Variants in THSD1 observed in about 807,000 individuals in gnomAD.
THSD1 encodes thrombospondin type-1 domain-containing protein 1.
THSD1 carries 34 observed loss-of-function variants against 46.3 expected under a neutral mutation model. The observed-to-expected ratio is 0.74, with a 90% CI of 0.56 to 0.98. The LOEUF (loss-of-function observed/expected upper bound fraction) is 0.98, where lower values mean the gene tolerates loss of function less well. Ranked by LOEUF, THSD1 falls within the 50% of genes least tolerant of loss-of-function variation. The pLI, the probability that THSD1 is intolerant of heterozygous loss-of-function variation, is 0.00. For missense variants in THSD1, 1,023 were observed against 1,058.3 expected (o/e 0.97, Z 0.46); for synonymous variants, 407 against 416.5 (o/e 0.98, Z 0.28).
intron 1 of THSD1, among the ~76,000 whole-genome samples, chr13:52,403,202 A>C (rs899598822): frequency 6.6e-6 from 1 of 152,144 alleles, no homozygotes; most frequent in African/African-American, 2.4e-5. Context: ...AATTCCTAGG[A>C]GCTACATCCA....
chr13:52,377,751 A>T lies in THSD1; in HGVS notation c.2219T>A (p.Leu740His), dbSNP rs145122037. ...TLGQPLRKPD[L>H]GDHQAGLVAG... Reference sequence around the variant, plus strand: ...CACTAATCCTGCCTGGTGATCCCCAAGGTCTGGTTTCCTCAAGGGCTGCCC... The same window carrying T: ...CACTAATCCTGCCTGGTGATCCCCATGGTCTGGTTTCCTCAAGGGCTGCCC... Residue 740 changes from leucine (L) to histidine (H), a missense_variant, in exon 5 of 5, where the codon CTT (leucine) becomes CAT (histidine). This residue lies in a region of THSD1 where 578 missense variants were observed against 497.4 expected (regional missense o/e 1.16). Coordinates refer to ENST00000258613, the MANE Select transcript of THSD1 (RefSeq NM_018676.4). 1 of 1,613,992 alleles carries T rather than the reference A, an allele frequency of 6.2e-7. No individual in the cohort carries two copies. Among genetic ancestry groups the T allele is most frequent in the African/African-American group, 1.3e-5 (1 of 74,918 alleles).
chr13:52,403,970 CAG>C (rs1453855319), intron 1 of THSD1, among the ~76,000 whole-genome samples: 2 of 90,610 alleles, frequency 2.2e-5, no homozygotes, highest in Non-Finnish European at 3.9e-5. Flanking sequence ...TTTTTTTAGA[CAG>C]AGTCTTGCTC....
Position 52,378,506 on chromosome 13 carries a change from A to T in THSD1, c.1464T>A (p.Ser488Arg). ...FSDGGDGPTG[S>R]PGDTGIPLTY... ...TCAGAGGGATGCCTGTGTCCCCTGG[A>T]CTCCCCGTGGGCCCGTCTCCCCCAT... is the stretch of plus-strand genomic sequence containing the variant. The change falls in exon 5 of 5, where the codon AGT (serine) becomes AGA (arginine). Residue 488 changes from serine (S) to arginine (R), a missense_variant. Physicochemically the swap from Ser to Arg is moderately radical, Grantham distance 110. This residue lies in a region of THSD1 where 578 missense variants were observed against 497.4 expected (regional missense o/e 1.16). Coordinates refer to ENST00000258613, the MANE Select transcript of THSD1 (RefSeq NM_018676.4). 6.2e-7 allele frequency: 1 copy of T among 1,613,122 alleles called. No homozygotes were observed. Among genetic ancestry groups the T allele is most frequent in the Admixed American group, 1.7e-5 (1 of 59,884 alleles).
In THSD1 at chr13:52,404,070, T is replaced by C. The variant is rs979288136; in HGVS notation, c.-81-1389A>G. Among the ~76,000 whole-genome samples the C allele has an allele frequency of 2.0e-5, 3 of 150,800 alleles. No individual in the cohort carries two copies. In the East Asian group the frequency reaches 5.9e-4, roughly 30 times the overall value. ...TCAAGTGATTGTCCCACCTCAGGCT[T>C]CTGAGTAGCGGGGATTATAGGTGTG... is the stretch of plus-strand genomic sequence containing the variant. On this transcript the variant is annotated intron_variant, in intron 1 of 4. Coordinates refer to ENST00000258613, the MANE Select transcript of THSD1 (RefSeq NM_018676.4).
chr13:52,395,641 T>C (rs907319023), intron 3 of THSD1, among the ~76,000 whole-genome samples: 4 of 152,008 alleles, frequency 2.6e-5, no homozygotes, highest in African/African-American at 7.3e-5. Context: ...TTAACGGAGA[T>C]AGGCAGTGGA....
At chr13:52,379,087 A>ACTC in intron 4 of THSD1, among the ~76,000 whole-genome samples, 1 of 151,188 alleles carries the variant, frequency 6.6e-6, no homozygotes, top group East Asian at 2.0e-4. Flanking sequence ...CTGGTCTTGA[A>ACTC]CTCCTGACTT....
chr13:52,399,753 G>T (rs1444134407), intron 2 of THSD1, among the ~76,000 whole-genome samples: 3 of 152,144 alleles, frequency 2.0e-5, no homozygotes, highest in Non-Finnish European at 4.4e-5. Flanking sequence ...ATTCCCTTTT[G>T]TTTGGAGATG....
At chr13:52,405,785 C>T (rs118135120) in intron 1 of THSD1, among the ~76,000 whole-genome samples, 9 of 152,312 alleles carry the variant, frequency 5.9e-5, no homozygotes, top group Non-Finnish European at 1.3e-4. Flanking sequence ...CTCAGTCACT[C>T]GGCAACATCT....
chr13:52,379,115 G>A (rs891353547), intron 4 of THSD1, among the ~76,000 whole-genome samples: 2 of 152,058 alleles, frequency 1.3e-5, no homozygotes, highest in African/African-American at 4.8e-5. Flanking sequence ...ACCCGCCTTG[G>A]CCTCCCAAAG....
At chr13:52,389,861 A>G (rs1394283289) in intron 3 of THSD1, among the ~76,000 whole-genome samples, 1 of 152,122 alleles carries the variant, frequency 6.6e-6, no homozygotes, top group Non-Finnish European at 1.5e-5. Flanking sequence ...TTATTCTGGT[A>G]GTCATGGTGG....
intron 3 of THSD1, among the ~76,000 whole-genome samples, chr13:52,395,052 G>A (rs1326539107): frequency 1.3e-5 from 2 of 152,194 alleles, no homozygotes; most frequent in African/African-American, 4.8e-5. Flanking sequence ...CTGGGCCCCA[G>A]TGCAGAGATG....
chr13:52,394,705 A>C (rs769036031), intron 3 of THSD1, among the ~76,000 whole-genome samples: 18 of 152,200 alleles, frequency 1.2e-4, no homozygotes, highest in Middle Eastern at 3.4e-3. Context: ...GCCAAATCTG[A>C]GTTCAGTTTT....
At chr13:52,392,071 A>T (rs1477175621) in intron 3 of THSD1, among the ~76,000 whole-genome samples, 2 of 151,064 alleles carry the variant, frequency 1.3e-5, no homozygotes, top group African/African-American at 4.8e-5. Flanking sequence ...GGGCGCCTGT[A>T]GTCCCAGCTA....
chr13:52,393,712 G>A (rs769874999), intron 3 of THSD1, among the ~76,000 whole-genome samples: 1 of 152,064 alleles, frequency 6.6e-6, no homozygotes, highest in Non-Finnish European at 1.5e-5. Flanking sequence ...GTTTCAAAAG[G>A]AACTAATAAA....
At chr13:52,392,190 CAAAAAAA>C (rs368671089) in intron 3 of THSD1, among the ~76,000 whole-genome samples, 2 of 69,714 alleles carry the variant, frequency 2.9e-5, no homozygotes, top group African/African-American at 6.4e-5. Flanking sequence ...AGACTCCTCT[CAAAAAAA>C]AAAAAAAAAA....
rs62637608 is a variant in THSD1 at position 52,402,634 on chromosome 13, T to A, written c.-34A>T. ...ACAAAATCCCAGGTCTTTAGTCTCC[T>A]CATGTCCTTTCTCACGTCCAGATTG... On this transcript the variant is annotated 5_prime_UTR_variant, in exon 2 of 5. Coordinates refer to ENST00000258613, the MANE Select transcript of THSD1 (RefSeq NM_018676.4). 3.1e-4 allele frequency: 505 copies of A among 1,612,308 alleles called. No homozygotes were observed. The African/African-American group carries it at 6.0e-3, about 19-fold the overall frequency.
rs1332131264 is a variant in THSD1 at position 52,392,982 on chromosome 13, G to GA, written c.1021+4249dup. 2.6e-5 allele frequency among the ~76,000 whole-genome samples: 4 copies of GA among 151,574 alleles called. No homozygotes were observed. The East Asian group carries it at 7.7e-4, about 29-fold the overall frequency. On this transcript the variant is annotated intron_variant, in intron 3 of 4. Transcript: ENST00000258613. ...CAAAATGAAACAGTAAGTTAAGGAG[G>GA]AAAAAACAGAGCCTTTTTTTTTTCA...
chr13:52,383,261 ATTCC>A (rs1957706306), intron 4 of THSD1, among the ~76,000 whole-genome samples: 1 of 152,226 alleles, frequency 6.6e-6, no homozygotes, highest in African/African-American at 2.4e-5. Flanking sequence ...TGATTGATTC[ATTCC>A]TTCATTATTA....
Position 52,402,591 on chromosome 13 carries a change from T to C in THSD1, c.10A>G (p.Met4Val). 1 of 1,613,962 alleles carries C rather than the reference T, an allele frequency of 6.2e-7. No homozygotes were observed. Among genetic ancestry groups the C allele is most frequent in the Non-Finnish European group, 8.5e-7 (1 of 1,179,910 alleles). ...AATAGATTTGAAAAGTCTTTCAACA[T>C]TGGTTTCATTCTGATTGACAAAATC... is the stretch of plus-strand genomic sequence containing the variant. MKP[M>V]LKDFSNLLLV... Residue 4 changes from methionine (M) to valine (V), a missense_variant, in exon 2 of 5, where the codon ATG becomes GTG. By Grantham distance (21) the Met-to-Val change is conservative. Around this residue, in one of 3 missense-constraint regions of THSD1, gnomAD observed 429 missense variants for 518.3 expected, o/e 0.83. Coordinates refer to ENST00000258613, the MANE Select transcript of THSD1 (RefSeq NM_018676.4).
Sources: allele counts gnomAD v4.1 joint callset (sites outside exome capture counted in the v4.1 genomes callset), GRCh38; gene constraint gnomAD v4.1.1; regional missense constraint gnomAD v4.1.1; transcripts MANE v1.5; gene names NCBI Gene and HGNC (gene_info 2026-07-23, HGNC 2026-07-21).